The following WDR7 variants were observed in gnomAD, a reference collection of about 807,000 sequenced individuals.
WDR7 encodes the protein WD repeat-containing protein 7.
Under a neutral mutation model 169.4 loss-of-function variants are expected in WDR7, and 46 were observed. The ratio of observed to expected loss-of-function variants is 0.27; its 90% CI spans 0.21 to 0.35. WDR7 has a LOEUF of 0.35. Among genes scored for constraint, WDR7 ranks in the 10% least tolerant of loss-of-function variants. WDR7 has a pLI of 1.00. For missense variants in WDR7, 1,534 were observed against 1,859.3 expected (o/e 0.83, Z 3.22); for synonymous variants, 612 against 666.8 (o/e 0.92, Z 1.27).
At chr18:56,806,171 G>T (rs2044770251) in intron 19 of WDR7, among the ~76,000 whole-genome samples, 2 of 151,832 alleles carry the variant, frequency 1.3e-5, no homozygotes, top group Non-Finnish European at 2.9e-5. Context: ...TTTCATTATG[G>T]CTATTAGATT....
At chr18:56,666,891 C>G (rs2025036166) in intron 1 of WDR7, among the ~76,000 whole-genome samples, 1 of 71,094 alleles carries the variant, frequency 1.4e-5, no homozygotes, top group South Asian at 8.7e-4. Flanking sequence ...GGAAACCAGG[C>G]TATTTTTTTT....
At chr18:56,953,894 G>T (rs928901890) in intron 25 of WDR7, among the ~76,000 whole-genome samples, 25 of 152,118 alleles carry the variant, frequency 1.6e-4, no homozygotes, top group Non-Finnish European at 2.9e-5. Context: ...ATTGTGAATC[G>T]CTGACTAATG....
intron 16 of WDR7, among the ~76,000 whole-genome samples, chr18:56,770,569 A>G (rs1206355956): frequency 2.0e-5 from 3 of 152,222 alleles, no homozygotes; most frequent in African/African-American, 4.8e-5. Flanking sequence ...TTTTCATCAC[A>G]TCTGTGTTTA....
chr18:56,681,514 A>G (rs193297221), intron 4 of WDR7, 123 bp downstream of exon 4: 55 of 580,230 alleles, frequency 9.5e-5, no homozygotes, highest in South Asian at 6.8e-4. Context: ...CAAGACAAGA[A>G]AACTAGAATT....
chr18:56,672,479 T>C lies in WDR7; in HGVS notation c.-19-18T>C. 1 of 1,448,858 alleles carries C rather than the reference T, an allele frequency of 6.9e-7. No homozygotes were observed. The highest frequency in any genetic ancestry group is 1.6e-5 in the South Asian group (1 of 60,714). The allele number at this position is 1,448,858 out of a possible 1,614,324, so 89.8% of individuals were successfully genotyped here. A position where few individuals can be genotyped will look rare whatever the true frequency, so the allele number is the denominator to read the frequency against. On this transcript the variant is annotated intron_variant, in intron 1 of 27. Coordinates refer to ENST00000254442, the MANE Select transcript of WDR7 (RefSeq NM_015285.3). ...AGAGAAATATTGTAATATCTGACAATTTTTATAACATTTTCAGGTTTGAAA... is the reference window on the plus strand; with the variant it reads ...AGAGAAATATTGTAATATCTGACAACTTTTATAACATTTTCAGGTTTGAAA...
chr18:56,975,755 G>A (rs745536139), intron 26 of WDR7, among the ~76,000 whole-genome samples: 9 of 152,194 alleles, frequency 5.9e-5, no homozygotes, highest in Admixed American at 2.6e-4. Flanking sequence ...AGTGGAGACT[G>A]TGGCACACCG....
chr18:56,781,942 C>T (rs2044323970), intron 19 of WDR7: 1 of 209,282 alleles, frequency 4.8e-6, no homozygotes, highest in African/African-American at 2.3e-5. Context: ...TAACATGTGC[C>T]TCCGCCCATT....
intron 14 of WDR7, among the ~76,000 whole-genome samples, chr18:56,755,862 C>G (rs1220967724): frequency 6.6e-6 from 1 of 152,082 alleles, no homozygotes; most frequent in Non-Finnish European, 1.5e-5. Context: ...CTTATTCTTT[C>G]TTTTAGTTCT....
chr18:56,785,456 G>A (rs932978037), intron 19 of WDR7, among the ~76,000 whole-genome samples: 2 of 152,098 alleles, frequency 1.3e-5, no homozygotes, highest in Non-Finnish European at 2.9e-5. Context: ...TTTACAAAAT[G>A]CAATAATTCC....
At chr18:56,764,287 A>G (rs533812419) in intron 16 of WDR7, among the ~76,000 whole-genome samples, 202 of 152,208 alleles carry the variant, frequency 1.3e-3, no homozygotes, top group Non-Finnish European at 2.2e-3. Context: ...GTAATCAGTT[A>G]ATATAATTTC....
chr18:56,919,090 G>A (rs1015037017), intron 21 of WDR7, among the ~76,000 whole-genome samples: 1 of 152,208 alleles, frequency 6.6e-6, no homozygotes, highest in African/African-American at 2.4e-5. Flanking sequence ...AAGCAGGGAA[G>A]ATGCAGTAGA....
chr18:56,928,739 G>A (rs1375957133), intron 22 of WDR7, among the ~76,000 whole-genome samples: 1 of 151,988 alleles, frequency 6.6e-6, no homozygotes, highest in Non-Finnish European at 1.5e-5. Context: ...CAAGAAATAG[G>A]CATTATCATC....
intron 21 of WDR7, among the ~76,000 whole-genome samples, chr18:56,923,565 A>G (rs1380229183): frequency 6.6e-6 from 1 of 152,262 alleles, no homozygotes; most frequent in Admixed American, 6.5e-5. Flanking sequence ...AGAAAGGTTA[A>G]GAAGTACCAC....
chr18:56,794,304 A>ATTTTTTTTTTTTTTTTTGTTTT (rs2044544773), intron 19 of WDR7, among the ~76,000 whole-genome samples: 1 of 49,464 alleles, frequency 2.0e-5, no homozygotes, highest in Non-Finnish European at 3.8e-5. Flanking sequence ...GGTAAAGTCT[A>ATTTTTTTTTTTTTTTTTGTTTT]TTTTTTTTTT....
intron 21 of WDR7, among the ~76,000 whole-genome samples, chr18:56,912,556 T>G (rs953766652): frequency 3.3e-5 from 5 of 152,234 alleles, no homozygotes; most frequent in Non-Finnish European, 7.3e-5. Context: ...AACCAGGCTT[T>G]CCTGCCTTTC....
chr18:56,820,359 A>AAAAAAAAAAAAAAAAAGAAAC (rs1044771844), intron 20 of WDR7, among the ~76,000 whole-genome samples: 1 of 127,464 alleles, frequency 7.8e-6, no homozygotes, highest in Non-Finnish European at 1.6e-5. Flanking sequence ...AAAAAAAAAA[A>AAAAAAAAAAAAAAAAAGAAAC]AAAAACCACC....
At position 56,781,513 on chromosome 18, in the gene WDR7, A is replaced by G. The variant is rs2044317537; in HGVS notation, c.3067-20A>G. Reference sequence around the variant, plus strand: ...CAACTAATCTGCTTTCTGCTTTTACATTTGGGTCTGTGGTCTTAGGTGAGA... The same window carrying G: ...CAACTAATCTGCTTTCTGCTTTTACGTTTGGGTCTGTGGTCTTAGGTGAGA... On this transcript the variant is annotated intron_variant, in intron 18 of 27. Coordinates refer to ENST00000254442, the MANE Select transcript of WDR7 (RefSeq NM_015285.3). 6.4e-7 allele frequency: 1 copy of G among 1,565,930 alleles called. No homozygotes were observed. Among genetic ancestry groups the G allele is most frequent in the Non-Finnish European group, 8.7e-7 (1 of 1,155,348 alleles).
intron 2 of WDR7, 89 bp downstream of exon 2, chr18:56,672,763 C>T: frequency 8.0e-7 from 1 of 1,245,408 alleles, no homozygotes; most frequent in Admixed American, 3.3e-5. Flanking sequence ...GCTTTTGGGC[C>T]CACAGTAGAT....
At chr18:56,953,827 A>G (rs1299308412) in intron 25 of WDR7, among the ~76,000 whole-genome samples, 4 of 152,248 alleles carry the variant, frequency 2.6e-5, no homozygotes, top group African/African-American at 7.2e-5. Context: ...TCCAAAATCT[A>G]TGCTTATTTT....
Sources: allele counts gnomAD v4.1 joint callset (sites outside exome capture counted in the v4.1 genomes callset), GRCh38; gene constraint gnomAD v4.1.1; transcripts MANE v1.5; gene names NCBI Gene and HGNC (gene_info 2026-07-23, HGNC 2026-07-21).